ST6GAL1: variants seen among roughly 807,000 people sequenced by gnomAD.
ST6GAL1 encodes ST6 beta-galactoside alpha-2,6-sialyltransferase 1.
Under a neutral mutation model 38.0 loss-of-function variants are expected in ST6GAL1, and 20 were observed. That is an observed-to-expected ratio of 0.53 (90% CI 0.37 to 0.77). ST6GAL1 has a LOEUF of 0.77. Among genes scored for constraint, ST6GAL1 ranks in the 30% least tolerant of loss-of-function variants. The pLI, the probability that ST6GAL1 is intolerant of heterozygous loss-of-function variation, is 0.00. For synonymous variants in ST6GAL1, 196 were observed against 188.2 expected (o/e 1.04, Z -0.34); for missense variants, 432 against 496.4 (o/e 0.87, Z 1.23).
chr3:187,057,618 G>A (rs2108591938), intron 5 of ST6GAL1, among the ~76,000 whole-genome samples: 1 of 152,290 alleles, frequency 6.6e-6, no homozygotes, highest in African/African-American at 2.4e-5. Context: ...ATCACCAGCA[G>A]AGGCTGCAGA....
At chr3:187,030,321 G>A (rs951166364) in intron 2 of ST6GAL1, among the ~76,000 whole-genome samples, 1 of 152,226 alleles carries the variant, frequency 6.6e-6, no homozygotes, top group African/African-American at 2.4e-5. Flanking sequence ...CAAATAGCAT[G>A]TGTTAGAGGT....
Position 187,059,068 on chromosome 3 carries a change from C to T in ST6GAL1, c.705+7722C>T, listed in dbSNP as rs921123742. ...CAGGACTTGGGGAAATAGCAATAGCCGGGCACTCCAGAAAGTGGAATTGGC... is the reference window on the plus strand; with the variant it reads ...CAGGACTTGGGGAAATAGCAATAGCTGGGCACTCCAGAAAGTGGAATTGGC... On this transcript the variant is annotated intron_variant, in intron 5 of 7. Transcript: ENST00000169298. Among the ~76,000 whole-genome samples, 14 of 152,066 alleles carry T rather than the reference C, an allele frequency of 9.2e-5. No individual in the cohort carries two copies. The East Asian group carries it at 1.7e-3, about 19-fold the overall frequency.
chr3:187,072,241 G>C (rs1457666648), intron 5 of ST6GAL1: 1 of 154,446 alleles, frequency 6.5e-6, no homozygotes, highest in African/African-American at 2.4e-5. Flanking sequence ...AGGGTCTCCT[G>C]TTGGGAGGTG....
At chr3:187,008,200 A>T (rs1199497434) in intron 2 of ST6GAL1, among the ~76,000 whole-genome samples, 1 of 152,150 alleles carries the variant, frequency 6.6e-6, no homozygotes, top group Non-Finnish European at 1.5e-5. Context: ...TTCAAACAGG[A>T]TACATTTAAT....
In ST6GAL1 at chr3:187,011,148, G is replaced by A. The variant is rs991175095; in HGVS notation, c.-182-27594G>A. 9.9e-5 allele frequency among the ~76,000 whole-genome samples: 15 copies of A among 152,280 alleles called. No individual in the cohort carries two copies. In the South Asian group the frequency reaches 2.9e-3, roughly 29 times the overall value. On this transcript the variant is annotated intron_variant, in intron 2 of 7. Transcript: ENST00000169298. ...TGAGTAGCTGGGATTACAGGCATAT[G>A]CCACCATGCCCGGCAAATTTTTGTA...
intron 5 of ST6GAL1, among the ~76,000 whole-genome samples, chr3:187,059,438 A>G (rs1170613874): frequency 6.6e-6 from 1 of 152,198 alleles, no homozygotes; most frequent in Non-Finnish European, 1.5e-5. Flanking sequence ...CCTCATCTCC[A>G]CTTCTATATA....
At chr3:186,963,317 C>T (rs943550027) in intron 1 of ST6GAL1, among the ~76,000 whole-genome samples, 7 of 152,154 alleles carry the variant, frequency 4.6e-5, no homozygotes, top group Admixed American at 2.0e-4. Flanking sequence ...CTCCGCCTCC[C>T]GGGTTCAAGC....
At chr3:187,029,738 GTTGGAT>G (rs1717674054) in intron 2 of ST6GAL1, among the ~76,000 whole-genome samples, 15 of 152,308 alleles carry the variant, frequency 9.8e-5, no homozygotes, top group Middle Eastern at 3.4e-3. Context: ...AGAACAGAGG[GTTGGAT>G]TTAACCAGGA....
chr3:186,981,539 A>G (rs1236922702), intron 2 of ST6GAL1, among the ~76,000 whole-genome samples: 1 of 152,234 alleles, frequency 6.6e-6, no homozygotes, highest in Non-Finnish European at 1.5e-5. Flanking sequence ...CAGAGCATCT[A>G]GATCCGCTGT....
rs146345892 is a variant in ST6GAL1, at chr3:186,956,325, A to G, written c.-324-7460A>G. ...TGGTGGCAAAACCTGATTTGGACTGATGTGAGGCTATTTATAAATCTATGC... is the reference window on the plus strand; with the variant it reads ...TGGTGGCAAAACCTGATTTGGACTGGTGTGAGGCTATTTATAAATCTATGC... On this transcript the variant is annotated intron_variant, in intron 1 of 7. Transcript: ENST00000169298. Among the ~76,000 whole-genome samples, 856 of 152,252 alleles carry G rather than the reference A, an allele frequency of 5.6e-3. 3 individuals carry two copies. The highest frequency in any genetic ancestry group is 0.044 in the Middle Eastern group (13 of 294).
chr3:186,940,581 T>A (rs1376151845), intron 1 of ST6GAL1, among the ~76,000 whole-genome samples: 2 of 152,248 alleles, frequency 1.3e-5, no homozygotes, highest in African/African-American at 4.8e-5. Context: ...TTAAAAATTA[T>A]GCGTTTTTTT....
At chr3:187,011,874 A>G (rs575640137) in intron 2 of ST6GAL1, among the ~76,000 whole-genome samples, 13 of 152,290 alleles carry the variant, frequency 8.5e-5, no homozygotes, top group Admixed American at 5.2e-4. Context: ...TATTTATTTG[A>G]TTCAGTGGAA....
At chr3:187,067,394 CTT>C (rs3055154) in intron 5 of ST6GAL1, among the ~76,000 whole-genome samples, 16,342 of 113,972 alleles carry the variant, frequency 0.14, 2,060 homozygotes, top group African/African-American at 0.36. Context: ...GCAAGGCAAC[CTT>C]TTTTTTTTTT....
intron 2 of ST6GAL1, among the ~76,000 whole-genome samples, chr3:186,999,798 T>C (rs1405838033): frequency 6.6e-6 from 1 of 152,176 alleles, no homozygotes; most frequent in Non-Finnish European, 1.5e-5. Flanking sequence ...AACTTGTTTT[T>C]CTTGTTTTAC....
intron 2 of ST6GAL1, among the ~76,000 whole-genome samples, chr3:186,996,829 C>T (rs1716426960): frequency 6.6e-6 from 1 of 151,860 alleles, no homozygotes; most frequent in Non-Finnish European, 1.5e-5. Flanking sequence ...TTCCTGTTGG[C>T]CACTACATAC....
chr3:187,021,091 G>A (rs1717281868), intron 2 of ST6GAL1, among the ~76,000 whole-genome samples: 1 of 151,840 alleles, frequency 6.6e-6, no homozygotes, highest in African/African-American at 2.4e-5. Flanking sequence ...AGCCTCCTGA[G>A]TAGCTGGGAT....
intron 5 of ST6GAL1, among the ~76,000 whole-genome samples, chr3:187,053,569 T>G (rs1718587661): frequency 6.6e-6 from 1 of 152,230 alleles, no homozygotes; most frequent in Non-Finnish European, 1.5e-5. Flanking sequence ...CTTTCCCCAT[T>G]TCTTGTTTTT....
chr3:187,070,741 T>G (rs999595292), intron 5 of ST6GAL1, among the ~76,000 whole-genome samples: 1 of 152,104 alleles, frequency 6.6e-6, no homozygotes, highest in Non-Finnish European at 1.5e-5. Flanking sequence ...GCTCACTTTA[T>G]GGCCATCCTC....
At chr3:187,053,570 T>G (rs960885814) in intron 5 of ST6GAL1, among the ~76,000 whole-genome samples, 11 of 152,250 alleles carry the variant, frequency 7.2e-5, no homozygotes, top group African/African-American at 7.2e-5. Flanking sequence ...TTTCCCCATT[T>G]CTTGTTTTTG....
Sources: gnomAD v4.1 joint callset for allele counts (sites outside exome capture counted in the v4.1 genomes callset) on GRCh38, gnomAD v4.1.1 for gene constraint, MANE v1.5 for transcripts, NCBI Gene and HGNC (gene_info 2026-07-23, HGNC 2026-07-21) for gene names.